PCDHGC5: variants seen among roughly 807,000 people sequenced by gnomAD.
PCDHGC5 encodes protocadherin gamma-C5.
Under a neutral mutation model 59.0 loss-of-function variants are expected in PCDHGC5, and 25 were observed. That is an observed-to-expected ratio of 0.42 (90% CI 0.31 to 0.59). PCDHGC5 has a LOEUF of 0.59. PCDHGC5 is among the 20% of genes least tolerant of loss of function. PCDHGC5 has a pLI of 0.13. For missense variants in PCDHGC5, 1,067 were observed against 1,206.4 expected (o/e 0.88, Z 1.71); for synonymous variants, 434 against 505.5 (o/e 0.86, Z 1.90).
chr5:141,501,453 C>T (rs567794395), intron 2 of PCDHGC5, among the ~76,000 whole-genome samples: 1 of 152,094 alleles, frequency 6.6e-6, no homozygotes, highest in Non-Finnish European at 1.5e-5. Flanking sequence ...TTTTACTTTT[C>T]ACTATTCCCC....
chr5:141,509,144 G>A (rs969990007), intron 3 of PCDHGC5, among the ~76,000 whole-genome samples: 1 of 152,114 alleles, frequency 6.6e-6, no homozygotes, highest in African/African-American at 2.4e-5. Context: ...GGCGCATCCC[G>A]GCTCTCCCCT....
chr5:141,494,752 T>C (rs889400984), intron 1 of PCDHGC5, 55 bp from the exon 2 acceptor site: 18 of 1,612,206 alleles, frequency 1.1e-5, no homozygotes, highest in Non-Finnish European at 1.5e-5. Context: ...GGGGCTCGGG[T>C]GACATTCTAA....
At chr5:141,509,777 G>A (rs1244876699) in intron 3 of PCDHGC5, among the ~76,000 whole-genome samples, 1 of 152,100 alleles carries the variant, frequency 6.6e-6, no homozygotes, top group Non-Finnish European at 1.5e-5. Flanking sequence ...TCTAGTCCCC[G>A]AGATCATCAT....
chr5:141,505,653 G>A (rs1049630228), intron 3 of PCDHGC5, among the ~76,000 whole-genome samples, 172 bp downstream of exon 3: 1 of 152,184 alleles, frequency 6.6e-6, no homozygotes, highest in Non-Finnish European at 1.5e-5. Context: ...TTGTGGCTAA[G>A]GAACAGCAGA....
Position 141,490,480 on chromosome 5 carries a change from C to G in PCDHGC5, c.1240C>G (p.Arg414Gly). The change falls in exon 1 of 4, where the codon CGG becomes GGG. Residue 414 changes from arginine to glycine, a missense_variant. Physicochemically the swap from Arg to Gly is moderately radical, Grantham distance 125. Coordinates refer to ENST00000252087, the MANE Select transcript of PCDHGC5 (RefSeq NM_018929.3). This position sits in a 1 kb window ranked among gnomAD's most constrained non-coding sequence, Gnocchi z 5.4. The stretch of plus-strand genomic sequence containing the variant: ...GCTGCTAACCAGCCAGCCTTTGGAC[C>G]GGGAGGCCACATCCCACTATATCAT... ...YSLLTSQPLD[R>G]EATSHYIIEL... is the part of the protein sequence containing the mutation. 2.5e-6 allele frequency: 4 copies of G among 1,614,194 alleles called. No homozygotes were observed. The highest frequency in any genetic ancestry group is 3.4e-6 in the Non-Finnish European group (4 of 1,180,050).
At chr5:141,498,973 GA>G (rs1161965842) in intron 2 of PCDHGC5, among the ~76,000 whole-genome samples, 8 of 11,660 alleles carry the variant, frequency 6.9e-4, no homozygotes, top group Admixed American at 4.8e-3. Flanking sequence ...GGGAGGGAGG[GA>G]AGGAAGGAAG....
chr5:141,503,222 G>C (rs540244346), intron 2 of PCDHGC5, among the ~76,000 whole-genome samples: 1 of 152,120 alleles, frequency 6.6e-6, no homozygotes, highest in Middle Eastern at 3.4e-3. Context: ...CATGAGCACC[G>C]TAAAGATGGA....
chr5:141,506,061 G>A (rs1260513343), intron 3 of PCDHGC5, among the ~76,000 whole-genome samples: 2 of 152,144 alleles, frequency 1.3e-5, no homozygotes, highest in Non-Finnish European at 2.9e-5. Flanking sequence ...GGTTGACTAA[G>A]GGCTTCCTTT....
At position 141,489,800 on chromosome 5, in the gene PCDHGC5, A is replaced by T. The variant is rs2099692478; in HGVS notation, c.560A>T (p.Asp187Val). 1 of 1,614,166 alleles carries T rather than the reference A, an allele frequency of 6.2e-7. No homozygotes were observed. Among genetic ancestry groups the T allele is most frequent in the Non-Finnish European group, 8.5e-7 (1 of 1,179,994 alleles). Residue 187 changes from aspartate to valine, a missense_variant, in exon 1 of 4, where the codon GAT becomes GTT. Coordinates refer to ENST00000252087, the MANE Select transcript of PCDHGC5 (RefSeq NM_018929.3). This position sits in a 1 kb window ranked among gnomAD's most constrained non-coding sequence, Gnocchi z 4.5. ...HFSLNVKTLK[D>V]GKPFPELVLE... ...TCTCTGAATGTGAAGACCCTAAAAG[A>T]TGGGAAGCCATTCCCAGAGCTGGTG...
intron 2 of PCDHGC5, among the ~76,000 whole-genome samples, chr5:141,495,720 G>A (rs1048453188): frequency 2.6e-5 from 4 of 152,080 alleles, no homozygotes; most frequent in Non-Finnish European, 5.9e-5. Context: ...GTAACTACAC[G>A]GGACCCTTAG....
intron 2 of PCDHGC5, among the ~76,000 whole-genome samples, chr5:141,501,032 C>A (rs1370625012): frequency 6.6e-6 from 1 of 151,976 alleles, no homozygotes; most frequent in Non-Finnish European, 1.5e-5. Context: ...CCACGCCCAG[C>A]TAATTTTTGT....
Position 141,511,319 on chromosome 5 carries a change from C to A in PCDHGC5, c.*146C>A. On this transcript the variant is annotated 3_prime_UTR_variant, in exon 4 of 4. Coordinates refer to ENST00000252087, the MANE Select transcript of PCDHGC5 (RefSeq NM_018929.3). ...CCATGCTCCCCTTGGGAAACAGAAA[C>A]AAGTGCCCAGTCAGCACCTACCCCT... is the stretch of plus-strand genomic sequence containing the variant. 6.8e-7 allele frequency: 1 copy of A among 1,477,420 alleles called. No homozygotes were observed. The highest frequency in any genetic ancestry group is 9.0e-7 in the Non-Finnish European group (1 of 1,108,340). 91.5% of individuals were successfully genotyped at this position (1,477,420 alleles called of 1,614,324 possible).
At chr5:141,508,033 C>A (rs1596123382) in intron 3 of PCDHGC5, 1 of 152,290 alleles carries the variant, frequency 6.6e-6, no homozygotes, top group Non-Finnish European at 1.5e-5. Flanking sequence ...GTTTGCAGCT[C>A]AGCCAGCTGT....
At chr5:141,502,866 C>CTTT (rs549047197) in intron 2 of PCDHGC5, among the ~76,000 whole-genome samples, 3 of 128,046 alleles carry the variant, frequency 2.3e-5, no homozygotes, top group African/African-American at 9.3e-5. Context: ...GACTCTCTGT[C>CTTT]TTTTTTTTTT....
At position 141,490,543 on chromosome 5, in the gene PCDHGC5, C is replaced by T; in HGVS notation, c.1303C>T (p.His435Tyr). 2 of 1,614,188 alleles carry T rather than the reference C, an allele frequency of 1.2e-6. No homozygotes were observed. Among genetic ancestry groups the T allele is most frequent in the Non-Finnish European group, 8.5e-7 (1 of 1,180,024 alleles). Residue 435 changes from histidine (H) to tyrosine (Y), a missense_variant, in exon 1 of 4, where the codon CAC becomes TAC. His to Tyr is a moderately conservative substitution (Grantham distance 83). Transcript: ENST00000252087. The surrounding 1 kb of genome is among the most constrained non-coding windows in gnomAD (Gnocchi z 5.4). ...LASDAGSPSL[H>Y]KHLTIRLNIS... ...CAGCGATGCTGGTTCACCTTCCCTA[C>T]ACAAACATCTCACCATCAGGCTCAA...
At chr5:141,497,354 A>G (rs1430368474) in intron 2 of PCDHGC5, among the ~76,000 whole-genome samples, 1 of 152,054 alleles carries the variant, frequency 6.6e-6, no homozygotes, top group Non-Finnish European at 1.5e-5. Flanking sequence ...AGCCCCACCA[A>G]CTGCCTCTCA....
chr5:141,498,002 C>T (rs1442305270), intron 2 of PCDHGC5, among the ~76,000 whole-genome samples: 2 of 152,178 alleles, frequency 1.3e-5, no homozygotes, highest in East Asian at 1.9e-4. Flanking sequence ...AAGGAGTTTA[C>T]AGTGCACTGA....
At chr5:141,501,550 A>G (rs1251701030) in intron 2 of PCDHGC5, among the ~76,000 whole-genome samples, 3 of 152,078 alleles carry the variant, frequency 2.0e-5, no homozygotes, top group Non-Finnish European at 4.4e-5. Flanking sequence ...ATAAGATCAT[A>G]GGCCCTGGAA....
Position 141,489,629 on chromosome 5 carries a change from C to G in PCDHGC5, c.389C>G (p.Ser130Cys). 6.2e-7 allele frequency: 1 copy of G among 1,614,142 alleles called. No individual in the cohort carries two copies. The highest frequency in any genetic ancestry group is 8.5e-7 in the Non-Finnish European group (1 of 1,180,014). Residue 130 changes from serine to cysteine, a missense_variant, in exon 1 of 4, where the codon TCT becomes TGT. Coordinates refer to ENST00000252087, the MANE Select transcript of PCDHGC5 (RefSeq NM_018929.3). The surrounding 1 kb of genome is among the most constrained non-coding windows in gnomAD (Gnocchi z 4.5). ...EVEILDLNDNSPSFATPEREM... is the reference protein window; with the variant it reads ...EVEILDLNDNCPSFATPEREM... Reference sequence around the variant, plus strand: ...GAGATCCTGGATCTCAATGACAACTCTCCTAGCTTTGCCACCCCTGAGCGA... The same window carrying G: ...GAGATCCTGGATCTCAATGACAACTGTCCTAGCTTTGCCACCCCTGAGCGA...
Sources: allele counts gnomAD v4.1 joint callset (sites outside exome capture counted in the v4.1 genomes callset), GRCh38; gene constraint gnomAD v4.1.1; non-coding constraint Gnocchi (gnomAD v3.1); transcripts MANE v1.5; gene names NCBI Gene and HGNC (gene_info 2026-07-23, HGNC 2026-07-21).